LDLRAD4: variants seen among roughly 807,000 people sequenced by gnomAD.
LDLRAD4 encodes the protein low-density lipoprotein receptor class A domain-containing protein 4.
LDLRAD4 carries 5 observed loss-of-function variants against 17.0 expected under a neutral mutation model. The ratio of observed to expected loss-of-function variants is 0.29; its 90% CI spans 0.15 to 0.62. The LOEUF (loss-of-function observed/expected upper bound fraction) is 0.62, where lower values mean the gene tolerates loss of function less well. Among genes scored for constraint, LDLRAD4 ranks in the 20% least tolerant of loss-of-function variants. LDLRAD4 has a pLI of 0.84. For synonymous variants in LDLRAD4, 168 were observed against 171.8 expected, an observed-to-expected ratio of 0.98 and a Z score of 0.17; for missense variants, 340 against 424.7, an observed-to-expected ratio of 0.80 and a Z score of 1.75.
At chr18:13,218,078 C>T (rs906221621), upstream of LDLRAD4, 5 of 151,920 alleles carry the variant, frequency 3.3e-5, no homozygotes, top group African/African-American at 1.2e-4. Context: ...CGCCTCCGCT[C>T]CGGGGGGGCG....
intron 2 of LDLRAD4, among the ~76,000 whole-genome samples, chr18:13,394,158 C>CGTA (rs1350406480): frequency 6.6e-6 from 1 of 152,170 alleles, no homozygotes; most frequent in South Asian, 2.1e-4. Flanking sequence ...CTGTTAGCCT[C>CGTA]GAATCTAGTC....
At chr18:13,241,176 C>T (rs982417422) in intron 1 of LDLRAD4, 7 of 152,282 alleles carry the variant, frequency 4.6e-5, no homozygotes, top group African/African-American at 1.4e-4. Context: ...ATCCACCTGC[C>T]TCGGCCTCCC....
chr18:13,249,118 T>C (rs148980013), intron 1 of LDLRAD4, among the ~76,000 whole-genome samples: 1 of 152,374 alleles, frequency 6.6e-6, no homozygotes, highest in African/African-American at 2.4e-5. Context: ...CCATGGTGTA[T>C]ATGTTCCACA....
At position 13,466,035 on chromosome 18, in the gene LDLRAD4, A is replaced by G. The variant is rs78070392; in HGVS notation, c.181+27651A>G. On this transcript the variant is annotated intron_variant, in intron 3 of 5. Coordinates refer to ENST00000359446, the Ensembl canonical transcript of LDLRAD4. The stretch of plus-strand genomic sequence containing the variant: ...CCAGGCTGTGCCTTCGGTGCTCAAA[A>G]TAATGCCTGGGTGCAAAATAAATAT... Among the ~76,000 whole-genome samples, 450 of 152,374 alleles carry G rather than the reference A, an allele frequency of 3.0e-3. 4 individuals are homozygous for G. The highest frequency in any genetic ancestry group is 0.01 in the African/African-American group (426 of 41,580).
chr18:13,637,271 G>A (rs531457628), intron 4 of LDLRAD4, among the ~76,000 whole-genome samples: 53 of 152,198 alleles, frequency 3.5e-4, no homozygotes, highest in African/African-American at 1.2e-3. Context: ...CTGGGCTAAT[G>A]TTTTAATAGC....
chr18:13,613,579 C>T (rs140141991), intron 3 of LDLRAD4: 1 of 152,194 alleles, frequency 6.6e-6, no homozygotes, highest in African/African-American at 2.4e-5. Flanking sequence ...CATCTTTGAT[C>T]AGAACATATT....
chr18:13,301,607 G>T (rs1422259953), intron 1 of LDLRAD4, among the ~76,000 whole-genome samples: 1 of 152,050 alleles, frequency 6.6e-6, no homozygotes, highest in Non-Finnish European at 1.5e-5. Context: ...CAGGAGCCAA[G>T]GGTGGTGGCA....
intron 1 of LDLRAD4, among the ~76,000 whole-genome samples, chr18:13,304,002 T>C (rs866580453): frequency 6.6e-6 from 1 of 152,216 alleles, no homozygotes; most frequent in Non-Finnish European, 1.5e-5. Context: ...TTCTGGAATT[T>C]TTCAGGCAAA....
chr18:13,485,820 A>G lies in LDLRAD4; in HGVS notation c.181+47436A>G, dbSNP rs142254420. Among the ~76,000 whole-genome samples, 1,231 of 152,324 alleles carry G rather than the reference A, an allele frequency of 8.1e-3. 23 individuals carry two copies. Among genetic ancestry groups the G allele is most frequent in the African/African-American group, 0.028 (1,155 of 41,566 alleles). ...CTTGAGCCCAGGAGTTTGAAGCTTC[A>G]GTGAGCCATGATCACGCCACCACAC... On this transcript the variant is annotated intron_variant, in intron 3 of 5. Coordinates refer to ENST00000359446, the Ensembl canonical transcript of LDLRAD4.
intron 5 of LDLRAD4, 52 bp downstream of exon 6, chr18:13,643,464 G>GGGGGGGGGGGGGGGGGGGGGGGGGA: frequency 3.5e-6 from 1 of 288,994 alleles, no homozygotes. Flanking sequence ...GGTGGGTGGG[G>GGGGGGGGGGGGGGGGGGGGGGGGGA]ATGAAGGGGG....
chr18:13,440,998 C>T lies in LDLRAD4; in HGVS notation c.181+2614C>T, dbSNP rs758315479. ...TCTGCAGGAGCCCGAGGGAGCTGGG[C>T]GAGTGGTCATGGGGAGACGCTCACG... On this transcript the variant is annotated intron_variant, in intron 3 of 5. Transcript: ENST00000359446. The surrounding 1 kb of genome is among the most constrained non-coding windows in gnomAD (Gnocchi z 4.4). Among the ~76,000 whole-genome samples the T allele has an allele frequency of 1.3e-5, 2 of 152,140 alleles. No homozygotes were observed. The highest frequency in any genetic ancestry group is 2.4e-5 in the African/African-American group (1 of 41,432).
intron 3 of LDLRAD4, chr18:13,522,921 G>A (rs1221591446): frequency 6.6e-6 from 1 of 152,228 alleles, no homozygotes; most frequent in Non-Finnish European, 1.5e-5. Flanking sequence ...GGTGCTGAGA[G>A]TGGATGCTCC....
intron 1 of LDLRAD4, among the ~76,000 whole-genome samples, chr18:13,291,687 A>G (rs1599165795): frequency 6.6e-6 from 1 of 152,208 alleles, no homozygotes; most frequent in Admixed American, 6.5e-5. Context: ...TCTCATCAGT[A>G]TAAGTGTGAT....
chr18:13,286,527 A>G (rs2045630851), intron 1 of LDLRAD4, among the ~76,000 whole-genome samples: 2 of 152,212 alleles, frequency 1.3e-5, no homozygotes, highest in Admixed American at 1.3e-4. Context: ...GTGTGTCACC[A>G]TGCCCAGCTA....
chr18:13,241,930 T>C (rs1343709187), intron 1 of LDLRAD4: 1 of 152,282 alleles, frequency 6.6e-6, no homozygotes, highest in Non-Finnish European at 1.5e-5. Flanking sequence ...CACAGACCCT[T>C]ATGTACTGCA....
intron 1 of LDLRAD4, among the ~76,000 whole-genome samples, chr18:13,315,941 G>T (rs910008667): frequency 6.6e-6 from 1 of 152,120 alleles, no homozygotes; most frequent in Non-Finnish European, 1.5e-5. Flanking sequence ...AAAATATCCA[G>T]AGTGAGGCAT....
chr18:13,431,341 A>G (rs754421807), intron 2 of LDLRAD4, among the ~76,000 whole-genome samples: 21 of 152,318 alleles, frequency 1.4e-4, no homozygotes, highest in Non-Finnish European at 2.1e-4. Flanking sequence ...GTGAGGAAGA[A>G]TGCCTCCTCG....
chr18:13,591,660 A>G (rs1477983749), intron 3 of LDLRAD4, among the ~76,000 whole-genome samples: 1 of 152,186 alleles, frequency 6.6e-6, no homozygotes, highest in Non-Finnish European at 1.5e-5. Context: ...AGGTATTGGT[A>G]TTGGTAAAAT....
At chr18:13,464,711 G>A (rs185785798) in intron 3 of LDLRAD4, among the ~76,000 whole-genome samples, 2 of 151,176 alleles carry the variant, frequency 1.3e-5, no homozygotes, top group Admixed American at 1.3e-4. Context: ...GGCTGACAGA[G>A]CCTGACTTTT....
Sources: gnomAD v4.1 joint callset for allele counts (sites outside exome capture counted in the v4.1 genomes callset) on GRCh38, gnomAD v4.1.1 for gene constraint, Gnocchi (gnomAD v3.1) non-coding constraint, MANE v1.5 for transcripts, NCBI Gene and HGNC (gene_info 2026-07-23, HGNC 2026-07-21) for gene names.